Variants in PCDHA7 observed in about 807,000 individuals in gnomAD.
PCDHA7 encodes protocadherin alpha-7.
A neutral mutation model predicts 57.2 loss-of-function variants in PCDHA7; 37 were observed. The ratio of observed to expected loss-of-function variants is 0.65; its 90% CI spans 0.50 to 0.85. PCDHA7 has a LOEUF of 0.85. Among genes scored for constraint, PCDHA7 ranks in the 40% least tolerant of loss-of-function variants. The pLI is 0.00. For missense variants in PCDHA7, 1,188 were observed against 1,241.8 expected (o/e 0.96, Z 0.65); for synonymous variants, 553 against 558.8 (o/e 0.99, Z 0.15).
At chr5:140,941,253 T>TTCTTTCTTTCTC (rs1563187863) in intron 1 of PCDHA7, among the ~76,000 whole-genome samples, 4 of 64,962 alleles carry the variant, frequency 6.2e-5, no homozygotes, top group Non-Finnish European at 1.0e-4. Flanking sequence ...CTTTCTTTCT[T>TTCTTTCTTTCTC]TCTCTTTCTT....
At chr5:140,885,157 C>G (rs2060491561) in intron 1 of PCDHA7, among the ~76,000 whole-genome samples, 1 of 151,962 alleles carries the variant, frequency 6.6e-6, no homozygotes, top group African/African-American at 2.4e-5. Context: ...TTGATTGTCT[C>G]TACTTTTTTG....
chr5:140,883,658 G>C (rs573544891), intron 1 of PCDHA7: 2 of 1,613,994 alleles, frequency 1.2e-6, no homozygotes, highest in African/African-American at 2.7e-5. Context: ...CACGGTGTTC[G>C]TGAAGGAAAA....
chr5:140,975,964 T>C (rs1554237162), intron 1 of PCDHA7, among the ~76,000 whole-genome samples: 2 of 152,218 alleles, frequency 1.3e-5, no homozygotes, highest in South Asian at 2.1e-4. Flanking sequence ...TCTTCACCAA[T>C]AGAAAGTAAG....
chr5:140,903,014 A>G (rs551984849), intron 1 of PCDHA7, among the ~76,000 whole-genome samples: 1 of 152,322 alleles, frequency 6.6e-6, no homozygotes, highest in African/African-American at 2.4e-5. Context: ...TTGTGCTGCT[A>G]TCAACATGGC....
intron 1 of PCDHA7, among the ~76,000 whole-genome samples, chr5:140,933,223 A>G (rs1005553040): frequency 1.3e-5 from 2 of 152,018 alleles, no homozygotes; most frequent in African/African-American, 4.8e-5. Context: ...GTTATATTGC[A>G]TTTATGAAAA....
At chr5:140,906,162 G>A (rs1421474866) in intron 1 of PCDHA7, among the ~76,000 whole-genome samples, 1 of 152,064 alleles carries the variant, frequency 6.6e-6, no homozygotes, top group Non-Finnish European at 1.5e-5. Flanking sequence ...GACACACCCA[G>A]GAACAATACT....
chr5:140,850,738 G>A lies in PCDHA7; in HGVS notation c.2355+14000G>A. ...GTGTGTTCTAGCGCGGTGGGGAGTT[G>A]GTCGTACTCGCAGCAGAGGAGGCAG... On this transcript the variant is annotated intron_variant, in intron 1 of 3. Transcript: ENST00000525929. 8 of 1,597,962 alleles carry A rather than the reference G, an allele frequency of 5.0e-6. 2 individuals carry two copies. The highest frequency in any genetic ancestry group is 6.9e-6 in the Non-Finnish European group (8 of 1,167,602).
At chr5:140,925,955 G>A (rs1350124934) in intron 1 of PCDHA7, among the ~76,000 whole-genome samples, 1 of 152,076 alleles carries the variant, frequency 6.6e-6, no homozygotes, top group Non-Finnish European at 1.5e-5. Context: ...AGGAGAAACT[G>A]CTATCACGCA....
intron 1 of PCDHA7, among the ~76,000 whole-genome samples, chr5:140,838,693 C>T (rs2150291585): frequency 7.9e-5 from 12 of 151,860 alleles, no homozygotes; most frequent in East Asian, 7.7e-4. Flanking sequence ...CCCAACATTT[C>T]GGGAGGCCGA....
chr5:140,845,374 T>C (rs1368895191), intron 1 of PCDHA7, among the ~76,000 whole-genome samples: 1 of 149,664 alleles, frequency 6.7e-6, no homozygotes, highest in Non-Finnish European at 1.5e-5. Flanking sequence ...ATATCATAAA[T>C]AGGAGGATTC....
intron 3 of PCDHA7, among the ~76,000 whole-genome samples, chr5:141,006,484 A>T (rs1028996250): frequency 9.9e-5 from 15 of 152,130 alleles, no homozygotes; most frequent in Non-Finnish European, 7.4e-5. Flanking sequence ...AAGTGCTGGG[A>T]TTACATGTGT....
chr5:140,992,393 A>C (rs2097508684), intron 3 of PCDHA7, among the ~76,000 whole-genome samples: 1 of 152,180 alleles, frequency 6.6e-6, no homozygotes, highest in South Asian at 2.1e-4. Context: ...TTCTGGACTT[A>C]GAGATATTGT....
chr5:140,864,059 T>C (rs1371478916), intron 1 of PCDHA7: 1 of 152,732 alleles, frequency 6.5e-6, no homozygotes, highest in Non-Finnish European at 1.5e-5. Flanking sequence ...ACAGTCACCA[T>C]GAACATTCTT....
In PCDHA7 at chr5:140,842,642, T is replaced by G. The variant is rs1554139236; in HGVS notation, c.2355+5904T>G. Reference sequence around the variant, plus strand: ...GCCTTCGCTGTGGGCCACCGCCAGCTTGTCTGTGGAGGTGGCCGACGTGAA... The same window carrying G: ...GCCTTCGCTGTGGGCCACCGCCAGCGTGTCTGTGGAGGTGGCCGACGTGAA... On this transcript the variant is annotated intron_variant, in intron 1 of 3. Transcript: ENST00000525929. 4.4e-6 allele frequency: 7 copies of G among 1,594,996 alleles called. 1 individual carries two copies. The Admixed American group carries it at 5.1e-5, about 12-fold the overall frequency.
chr5:140,999,693 AT>A (rs202183337), intron 3 of PCDHA7, among the ~76,000 whole-genome samples: 13 of 151,522 alleles, frequency 8.6e-5, no homozygotes, highest in African/African-American at 2.4e-4. Flanking sequence ...AAGAAATGTG[AT>A]TTTTTTTTAG....
intron 1 of PCDHA7, chr5:140,877,800 T>C (rs2057344527): frequency 6.2e-7 from 1 of 1,613,404 alleles, no homozygotes; most frequent in Non-Finnish European, 8.5e-7. Context: ...GCCCAAGCCT[T>C]CAGCTGTCTC....
chr5:141,010,025 A>G lies in PCDHA7; in HGVS notation c.*88A>G. The G allele has an allele frequency of 6.4e-7, 1 of 1,573,940 alleles. No homozygotes were observed. The highest frequency in any genetic ancestry group is 2.2e-5 in the East Asian group (1 of 44,636). ...TAGCAATTCCCTGCTCCTTTTTCCT[A>G]TCTACATGAGCCCTCTTAGAGACCT... On this transcript the variant is annotated 3_prime_UTR_variant, in exon 4 of 4. Transcript: ENST00000525929.
rs200097598 is a variant in PCDHA7 at position 140,842,988 on chromosome 5, T to C, written c.2355+6250T>C. On this transcript the variant is annotated intron_variant, in intron 1 of 3. Coordinates refer to ENST00000525929, the MANE Select transcript of PCDHA7 (RefSeq NM_018910.3). ...AACGTGACGCTGCAGGTGTTCGTGC[T>C]GGACGAGAATGACAACGCGCCGGCA... 2.2e-4 allele frequency: 358 copies of C among 1,595,006 alleles called. 36 individuals are homozygous for C. Among genetic ancestry groups the C allele is most frequent in the Non-Finnish European group, 2.9e-4 (341 of 1,165,496 alleles).
chr5:140,869,157 TCTC>T (rs1201897612), intron 1 of PCDHA7: 2 of 1,613,798 alleles, frequency 1.2e-6, no homozygotes, highest in South Asian at 1.1e-5. Context: ...AGCTCTGGCT[TCTC>T]CTCCTCGAAT....
Sources: gnomAD v4.1 joint callset for allele counts (sites outside exome capture counted in the v4.1 genomes callset) on GRCh38, gnomAD v4.1.1 for gene constraint, MANE v1.5 for transcripts, NCBI Gene and HGNC (gene_info 2026-07-23, HGNC 2026-07-21) for gene names.